The following TXNRD1 variants were observed in gnomAD, a reference collection of about 807,000 sequenced individuals.
TXNRD1 encodes thioredoxin reductase 1.
A neutral mutation model predicts 80.3 loss-of-function variants in TXNRD1; 57 were observed. That is an observed-to-expected ratio of 0.71 (90% CI 0.57 to 0.89). TXNRD1 has a LOEUF of 0.89. Among genes scored for constraint, TXNRD1 ranks in the 40% least tolerant of loss-of-function variants. The pLI, the probability that TXNRD1 is intolerant of heterozygous loss-of-function variation, is 0.00. For missense variants in TXNRD1, 730 were observed against 803.0 expected (o/e 0.91, Z 1.10); for synonymous variants, 291 against 285.2 (o/e 1.02, Z -0.20).
chr12:104,339,503 G>C (rs2135885365), intron 16 of TXNRD1: 1 of 686,568 alleles, frequency 1.5e-6, no homozygotes, highest in Middle Eastern at 4.0e-4. Context: ...GTGATTTATA[G>C]AGCTGTGCCT....
chr12:104,345,088 A>G (rs1014704369), intron 16 of TXNRD1, among the ~76,000 whole-genome samples: 2 of 152,240 alleles, frequency 1.3e-5, no homozygotes, highest in Admixed American at 1.3e-4. Flanking sequence ...CCATAATGAT[A>G]GAAGGCTAGA....
chr12:104,346,932 T>C (rs765099145), intron 16 of TXNRD1, among the ~76,000 whole-genome samples: 13 of 152,116 alleles, frequency 8.5e-5, no homozygotes, highest in Admixed American at 2.0e-4. Context: ...CTGTCTCTAC[T>C]AAAAATCCAA....
intron 4 of TXNRD1, 88 bp downstream of exon 4, chr12:104,289,128 A>T: frequency 1.4e-6 from 2 of 1,480,126 alleles, no homozygotes; most frequent in Non-Finnish European, 1.8e-6. Context: ...GCCAGCGTGG[A>T]TGTGACCCTC....
intron 4 of TXNRD1, chr12:104,304,839 G>A: frequency 1.2e-6 from 2 of 1,613,996 alleles, no homozygotes; most frequent in South Asian, 1.1e-5. Context: ...TGCCATGGCA[G>A]GAAACAGGGA....
chr12:104,286,892 A>C, intron 3 of TXNRD1: 1 of 1,128,772 alleles, frequency 8.9e-7, no homozygotes, highest in Non-Finnish European at 1.1e-6. Flanking sequence ...CGAGGCAATT[A>C]GCATAGGTTG....
At chr12:104,224,011 C>G (rs943456683) in intron 1 of TXNRD1, among the ~76,000 whole-genome samples, 2 of 152,184 alleles carry the variant, frequency 1.3e-5, no homozygotes, top group Non-Finnish European at 2.9e-5. Flanking sequence ...CATAACCATT[C>G]GCACTGGATT....
chr12:104,294,239 C>CCCCG lies in TXNRD1; in HGVS notation c.414+5202_414+5203insGCCC, dbSNP rs2034350446. 4.1e-5 allele frequency among the ~76,000 whole-genome samples: 5 copies of CCCCG among 123,034 alleles called. 2 individuals carry two copies. In the South Asian group the frequency reaches 1.6e-3, roughly 40 times the overall value. The allele number at this position is 123,034 out of a possible 152,430, so 80.7% of individuals were successfully genotyped here. A position where few individuals can be genotyped will look rare whatever the true frequency, so the allele number is the denominator to read the frequency against. The stretch of plus-strand genomic sequence containing the variant: ...TAAACTCCCCCGGGGAAAGGCCCCC[C>CCCCG]CCCCCGCCGCCGGCTTTCCCGGTCT... On this transcript the variant is annotated intron_variant, in intron 4 of 16. Transcript: ENST00000525566.
chr12:104,253,739 G>A (rs2033181608), intron 2 of TXNRD1, among the ~76,000 whole-genome samples: 1 of 152,054 alleles, frequency 6.6e-6, no homozygotes, highest in Non-Finnish European at 1.5e-5. Context: ...TGTTGCCCAG[G>A]CTGGAGTGCA....
At chr12:104,255,070 A>C (rs893486033) in intron 2 of TXNRD1, among the ~76,000 whole-genome samples, 1 of 152,052 alleles carries the variant, frequency 6.6e-6, no homozygotes, top group Non-Finnish European at 1.5e-5. Context: ...CGTGCCTCTA[A>C]GCTACAGCCT....
At chr12:104,304,056 G>C in intron 4 of TXNRD1, 1 of 1,613,846 alleles carries the variant, frequency 6.2e-7, no homozygotes, top group Non-Finnish European at 8.5e-7. Flanking sequence ...CGCAGCATCC[G>C]CAGGCAGTAC....
intron 4 of TXNRD1, chr12:104,305,012 A>C: frequency 6.5e-6 from 9 of 1,390,576 alleles, no homozygotes; most frequent in Non-Finnish European, 8.7e-6. Context: ...ACTGAAGCAC[A>C]TATTGTATCT....
intron 10 of TXNRD1, among the ~76,000 whole-genome samples, chr12:104,324,315 A>G (rs554045908): frequency 6.6e-5 from 10 of 152,238 alleles, no homozygotes; most frequent in Non-Finnish European, 1.0e-4. Context: ...TATTGATGTC[A>G]AATAAAATAA....
chr12:104,325,526 A>G lies in TXNRD1; in HGVS notation c.1308+97A>G, dbSNP rs918960339. 4.3e-5 allele frequency: 37 copies of G among 867,954 alleles called. No individual in the cohort carries two copies. The South Asian group carries it at 4.9e-4, about 11-fold the overall frequency. The allele number at this position is 867,954 out of a possible 1,614,324, so 53.8% of individuals were successfully genotyped here. A position where few individuals can be genotyped will look rare whatever the true frequency, so the allele number is the denominator to read the frequency against. On this transcript the variant is annotated intron_variant, in intron 11 of 16. Transcript: ENST00000525566. ...TTAAAATGGCTCTTAGTGATTTCCA[A>G]ATGTACTGGTTCTATGCCAATTCTT...
chr12:104,322,458 G>A (rs144829803), intron 10 of TXNRD1, among the ~76,000 whole-genome samples: 353 of 130,266 alleles, frequency 2.7e-3, no homozygotes, highest in South Asian at 5.8e-3. Flanking sequence ...TCAGCTGACT[G>A]CAACCTCTGC....
chr12:104,319,625 T>C, intron 9 of TXNRD1, 40 bp downstream of exon 9: 1 of 1,420,270 alleles, frequency 7.0e-7, no homozygotes, highest in Non-Finnish European at 9.7e-7. Flanking sequence ...AAACCCATTG[T>C]GGATATTGCT....
At chr12:104,295,142 A>C (rs143297275) in intron 4 of TXNRD1, among the ~76,000 whole-genome samples, 157 of 152,344 alleles carry the variant, frequency 1.0e-3, no homozygotes, top group Middle Eastern at 0.01. Context: ...AACTGCAAAT[A>C]AACGTAGAAA....
intron 3 of TXNRD1, among the ~76,000 whole-genome samples, chr12:104,267,718 T>TC (rs1491294814): frequency 7.7e-5 from 4 of 51,710 alleles, no homozygotes; most frequent in Non-Finnish European, 1.9e-4. Context: ...TCTTTCTTTC[T>TC]TTCTCTTTCT....
rs1326349318 is a variant in TXNRD1, at chr12:104,267,726, TCTTTCTTTCCTTTCTTC to T, written c.304+9651_304+9667del. 7.6e-5 allele frequency among the ~76,000 whole-genome samples: 10 copies of T among 131,794 alleles called. 1 individual carries two copies. The highest frequency in any genetic ancestry group is 4.9e-4 in the South Asian group (2 of 4,084). The allele number at this position is 131,794 out of a possible 152,430, so 86.5% of individuals were successfully genotyped here. Reference sequence around the variant, plus strand: ...CTCTCTTTCTTTCTTTCTTTCTCTTTCTTTCTTTCCTTTCTTCCTTCCTTCCTTCCTCCCTCCCTTCC... The same window carrying T: ...CTCTCTTTCTTTCTTTCTTTCTCTTTCTTCCTTCCTTCCTCCCTCCCTTCC... On this transcript the variant is annotated intron_variant, in intron 3 of 16. Transcript: ENST00000525566.
chr12:104,254,551 G>A (rs2033196515), intron 2 of TXNRD1, among the ~76,000 whole-genome samples: 1 of 148,260 alleles, frequency 6.7e-6, no homozygotes, highest in Non-Finnish European at 1.5e-5. Context: ...CAATGCTTTG[G>A]GAGGCCAAGG....
Sources: gnomAD v4.1 joint callset for allele counts (sites outside exome capture counted in the v4.1 genomes callset) on GRCh38, gnomAD v4.1.1 for gene constraint, MANE v1.5 for transcripts, NCBI Gene and HGNC (gene_info 2026-07-23, HGNC 2026-07-21) for gene names.